Variants in EDN1 observed in about 807,000 individuals in gnomAD.
The protein encoded by EDN1 is endothelin 1, also known as endothelin-1.
In EDN1, 11 loss-of-function variants were observed where a neutral mutation model predicts 21.7. That is an observed-to-expected ratio of 0.51 (90% CI 0.32 to 0.84). The LOEUF (loss-of-function observed/expected upper bound fraction) is 0.84, where lower values mean the gene tolerates loss of function less well. Ranked by LOEUF, EDN1 falls within the 40% of genes least tolerant of loss-of-function variation. EDN1 has a pLI of 0.03. For missense variants in EDN1, 244 were observed against 262.3 expected (o/e 0.93, Z 0.48); for synonymous variants, 85 against 90.6 (o/e 0.94, Z 0.35).
the EDN1 span, among the ~76,000 whole-genome samples, chr6:12,232,726 A>C: frequency 6.6e-6 from 1 of 152,212 alleles, no homozygotes; most frequent in Non-Finnish European, 1.5e-5. Context: ...AGACTAAAGG[A>C]AAATGTTGCA....
the EDN1 span, among the ~76,000 whole-genome samples, chr6:12,277,822 C>T: frequency 6.6e-6 from 1 of 152,196 alleles, no homozygotes; most frequent in Non-Finnish European, 1.5e-5. Context: ...GAAATGGAAC[C>T]TGGGGAATGG....
chr6:12,247,769 C>T, the EDN1 span, among the ~76,000 whole-genome samples: 1 of 151,914 alleles, frequency 6.6e-6, no homozygotes, highest in Non-Finnish European at 1.5e-5. Context: ...AATCTCCTGA[C>T]CTCAGGTGAT....
At chr6:12,255,858 T>A in the EDN1 span, among the ~76,000 whole-genome samples, 1 of 152,220 alleles carries the variant, frequency 6.6e-6, no homozygotes. Context: ...AGAGTGTGTT[T>A]GCTAAATAAC....
the EDN1 span, among the ~76,000 whole-genome samples, chr6:12,282,069 A>G: frequency 6.6e-6 from 1 of 152,216 alleles, no homozygotes; most frequent in Non-Finnish European, 1.5e-5. Flanking sequence ...AATGCTAACC[A>G]GTCAAAGTGG....
At chr6:12,237,754 T>C in the EDN1 span, among the ~76,000 whole-genome samples, 1 of 152,218 alleles carries the variant, frequency 6.6e-6, no homozygotes, top group African/African-American at 2.4e-5. Flanking sequence ...ACTTCTATTC[T>C]TGGTGCAGAG....
At chr6:12,284,493 G>A in the EDN1 span, among the ~76,000 whole-genome samples, 1 of 150,454 alleles carries the variant, frequency 6.6e-6, no homozygotes, top group African/African-American at 2.5e-5. Flanking sequence ...GACAGAGTGA[G>A]AATTTGTCTA....
chr6:12,248,808 C>T, the EDN1 span, among the ~76,000 whole-genome samples: 1 of 152,290 alleles, frequency 6.6e-6, no homozygotes, highest in African/African-American at 2.4e-5. Flanking sequence ...ATTTTTCTTA[C>T]ACCACCACTG....
the EDN1 span, among the ~76,000 whole-genome samples, chr6:12,259,461 T>TG: frequency 2.6e-5 from 4 of 151,380 alleles, no homozygotes; most frequent in Non-Finnish European, 4.4e-5. Flanking sequence ...TGAAAAAAAT[T>TG]GGCACTGTAA....
At chr6:12,241,359 T>C in the EDN1 span, among the ~76,000 whole-genome samples, 7 of 151,890 alleles carry the variant, frequency 4.6e-5, 1 homozygote, top group Middle Eastern at 0.017. Context: ...GAGACCGGGT[T>C]TTGGTTTCTC....
the EDN1 span, among the ~76,000 whole-genome samples, chr6:12,281,954 A>T: frequency 5.3e-5 from 8 of 151,968 alleles, no homozygotes; most frequent in African/African-American, 1.2e-4. Flanking sequence ...AGATTAGATT[A>T]AAAAAAATGA....
chr6:12,286,780 A>C (rs1337693735), upstream of EDN1, among the ~76,000 whole-genome samples: 2 of 150,774 alleles, frequency 1.3e-5, no homozygotes, highest in African/African-American at 4.9e-5. Flanking sequence ...CATAAAAAAT[A>C]GTTTTATCAA....
chr6:12,246,811 C>G, the EDN1 span, among the ~76,000 whole-genome samples: 1 of 152,166 alleles, frequency 6.6e-6, no homozygotes, highest in Non-Finnish European at 1.5e-5. Flanking sequence ...ATCCGTTAGT[C>G]CAGTCACATC....
rs1175089377 is a variant in EDN1, at chr6:12,292,621, A to G, written c.233+112A>G. On this transcript the variant is annotated intron_variant, in intron 2 of 4. Coordinates refer to ENST00000379375, the MANE Select transcript of EDN1 (RefSeq NM_001955.5). ...CTCTGAAGGTAGTCCTTCTAACACC[A>G]TCCAAGTGCCTCAGTGGGGACAGTT... The G allele has an allele frequency of 7.9e-6, 10 of 1,267,420 alleles. 1 individual carries two copies. Among genetic ancestry groups the G allele is most frequent in the Non-Finnish European group, 1.1e-5 (10 of 873,328 alleles). 78.5% of individuals were successfully genotyped at this position (1,267,420 alleles called of 1,614,324 possible). A position where few individuals can be genotyped will look rare whatever the true frequency, so the allele number is the denominator to read the frequency against.
intron 2 of EDN1, among the ~76,000 whole-genome samples, 175 bp downstream of exon 2, chr6:12,292,684 A>G (rs1037882291): frequency 6.6e-6 from 1 of 152,132 alleles, no homozygotes; most frequent in African/African-American, 2.4e-5. Context: ...CTTCGTTCTT[A>G]GCAACCAAGG....
chr6:12,281,869 T>A, the EDN1 span, among the ~76,000 whole-genome samples: 1 of 152,062 alleles, frequency 6.6e-6, no homozygotes, highest in Admixed American at 6.5e-5. Context: ...ACTTATTGAT[T>A]ATTTCTTTCA....
At chr6:12,284,209 T>C in the EDN1 span, among the ~76,000 whole-genome samples, 2 of 152,188 alleles carry the variant, frequency 1.3e-5, no homozygotes, top group Non-Finnish European at 2.9e-5. Context: ...TGAGTCCAGA[T>C]TTCTTACATG....
the EDN1 span, among the ~76,000 whole-genome samples, chr6:12,281,157 G>A: frequency 4.3e-3 from 657 of 152,140 alleles, 6 homozygotes; most frequent in African/African-American, 0.015. Flanking sequence ...TCTGTACAAC[G>A]TCTGTTGTGT....
At chr6:12,258,448 TCAA>T in the EDN1 span, among the ~76,000 whole-genome samples, 2 of 27,734 alleles carry the variant, frequency 7.2e-5, no homozygotes, top group African/African-American at 6.8e-5. Flanking sequence ...AGATCATGTC[TCAA>T]AAAAAAAAAA....
the EDN1 span, among the ~76,000 whole-genome samples, chr6:12,281,536 TTGACTATC>T: frequency 9.8e-6 from 1 of 102,404 alleles, no homozygotes. Flanking sequence ...GCTAAGTGCC[TTGACTATC>T]TGAGTGAGGA....
Sources: gnomAD v4.1 joint callset for allele counts (sites outside exome capture counted in the v4.1 genomes callset) on GRCh38, gnomAD v4.1.1 for gene constraint, MANE v1.5 for transcripts, NCBI Gene and HGNC (gene_info 2026-07-23, HGNC 2026-07-21) for gene names.